VCL: variants seen among roughly 807,000 people sequenced by gnomAD.
The protein encoded by VCL is epididymis luminal protein 114.
In VCL, 47 loss-of-function variants were observed where a neutral mutation model predicts 125.7. The observed-to-expected ratio is 0.37, with a 90% CI of 0.30 to 0.48. The LOEUF (loss-of-function observed/expected upper bound fraction) is 0.48. Among genes scored for constraint, VCL ranks in the 20% least tolerant of loss-of-function variants. The probability of loss-of-function intolerance (pLI) is 0.99; values close to 1 mark genes in which losing one functional copy is unlikely to be tolerated. For missense variants in VCL, 1,069 were observed against 1,455.5 expected (o/e 0.73, Z 4.32); for synonymous variants, 458 against 514.6 (o/e 0.89, Z 1.49).
At chr10:74,110,788 G>A (rs1840207897) in intron 18 of VCL, among the ~76,000 whole-genome samples, 1 of 152,140 alleles carries the variant, frequency 6.6e-6, no homozygotes, top group South Asian at 2.1e-4. Flanking sequence ...TAAAGAACCT[G>A]TATTCATCAT....
intron 8 of VCL, among the ~76,000 whole-genome samples, chr10:74,085,243 G>A (rs1591697779): frequency 1.3e-5 from 2 of 152,186 alleles, no homozygotes; most frequent in Admixed American, 6.5e-5. Context: ...AACTTGTTCC[G>A]TAATTGAAAC....
chr10:74,037,999 CTTTTTTT>C (rs56198344), intron 1 of VCL, among the ~76,000 whole-genome samples: 3 of 130,060 alleles, frequency 2.3e-5, no homozygotes, highest in Admixed American at 7.6e-5. Context: ...CTTTTCTTTT[CTTTTTTT>C]TTTTTTTTTG....
chr10:74,088,843 C>T (rs907514099), intron 8 of VCL, among the ~76,000 whole-genome samples: 1 of 152,140 alleles, frequency 6.6e-6, no homozygotes, highest in Non-Finnish European at 1.5e-5. Flanking sequence ...GCACACATTA[C>T]TATGGTAACA....
chr10:74,059,641 G>T (rs1378187702), intron 2 of VCL, among the ~76,000 whole-genome samples: 1 of 152,108 alleles, frequency 6.6e-6, no homozygotes, highest in Non-Finnish European at 1.5e-5. Flanking sequence ...TCCTGACCTT[G>T]TGATCTGCCT....
intron 1 of VCL, among the ~76,000 whole-genome samples, chr10:74,001,304 C>T (rs916320319): frequency 3.3e-5 from 5 of 152,144 alleles, no homozygotes; most frequent in African/African-American, 9.7e-5. Flanking sequence ...CAAGCCTTGT[C>T]TGATATTCCT....
chr10:74,020,082 A>T (rs2136232918), intron 1 of VCL, among the ~76,000 whole-genome samples: 1 of 152,154 alleles, frequency 6.6e-6, no homozygotes, highest in East Asian at 1.9e-4. Context: ...AAAAAGAAAA[A>T]AATTACTAAT....
intron 2 of VCL, among the ~76,000 whole-genome samples, chr10:74,052,569 G>C (rs1208114161): frequency 6.6e-6 from 1 of 151,850 alleles, no homozygotes; most frequent in Non-Finnish European, 1.5e-5. Flanking sequence ...TAGAGAGGGG[G>C]TTTCACCATT....
intron 2 of VCL, among the ~76,000 whole-genome samples, chr10:74,069,864 C>T (rs182204173): frequency 1.1e-3 from 161 of 152,222 alleles, no homozygotes; most frequent in African/African-American, 3.4e-3. Context: ...ATGAATCCCC[C>T]GCCCAGCTCC....
chr10:74,011,709 A>G (rs779124162), intron 1 of VCL, among the ~76,000 whole-genome samples: 20 of 152,160 alleles, frequency 1.3e-4, no homozygotes, highest in Non-Finnish European at 1.2e-4. Context: ...ATACAGTCTC[A>G]AAGAGAAACA....
intron 1 of VCL, among the ~76,000 whole-genome samples, chr10:74,019,365 G>A (rs1318486332): frequency 2.6e-5 from 4 of 152,006 alleles, no homozygotes; most frequent in Non-Finnish European, 4.4e-5. Flanking sequence ...TTTAAGCCCC[G>A]CATGCATTAG....
At chr10:74,051,131 G>C (rs1195715971) in intron 2 of VCL, among the ~76,000 whole-genome samples, 1 of 151,738 alleles carries the variant, frequency 6.6e-6, no homozygotes, top group Non-Finnish European at 1.5e-5. Context: ...GTAGAGATGG[G>C]TTACACCATG....
Position 74,052,945 on chromosome 10 carries a change from AAATAT to A in VCL, c.239+9794_239+9798del, listed in dbSNP as rs754779006. ...CCTACCTGGCTGTGATGAAAAAAAA[AAATAT>A]ATATATATATATATATAGTGCTGAA... On this transcript the variant is annotated intron_variant, in intron 2 of 21. Transcript: ENST00000211998. 8.3e-4 allele frequency among the ~76,000 whole-genome samples: 116 copies of A among 139,228 alleles called. 2 individuals carry two copies. Among genetic ancestry groups the A allele is most frequent in the Middle Eastern group, 3.6e-3 (1 of 274 alleles). 91.3% of individuals were successfully genotyped at this position (139,228 alleles called of 152,430 possible).
In VCL at chr10:74,090,983, T is replaced by C. The variant is rs1003069737; in HGVS notation, c.1352+785T>C. Among the ~76,000 whole-genome samples the C allele has an allele frequency of 5.9e-5, 9 of 151,962 alleles. 1 individual carries two copies. The highest frequency in any genetic ancestry group is 5.8e-4 in the East Asian group (3 of 5,180). On this transcript the variant is annotated intron_variant, in intron 10 of 21. Coordinates refer to ENST00000211998, the MANE Select transcript of VCL (RefSeq NM_014000.3). ...GCCTGGCTAATTTTTTTATTTTTTG[T>C]AGAGACGGGGTGTTGCTATGTTGTC...
At chr10:74,086,055 CG>C (rs1839764724) in intron 8 of VCL, among the ~76,000 whole-genome samples, 1 of 151,948 alleles carries the variant, frequency 6.6e-6, no homozygotes, top group Admixed American at 6.6e-5. Context: ...TTAATAGAGA[CG>C]GGGTTTCACC....
At chr10:74,031,031 C>T (rs1312541501) in intron 1 of VCL, among the ~76,000 whole-genome samples, 2 of 152,138 alleles carry the variant, frequency 1.3e-5, no homozygotes, top group African/African-American at 4.8e-5. Flanking sequence ...CCTAGAAATC[C>T]TAATTCTGTC....
At chr10:74,068,676 A>G (rs1354071381) in intron 2 of VCL, among the ~76,000 whole-genome samples, 1 of 152,222 alleles carries the variant, frequency 6.6e-6, no homozygotes, top group Non-Finnish European at 1.5e-5. Flanking sequence ...AGCAGAATGC[A>G]GCGAGTGACC....
chr10:74,031,615 G>A (rs1426718220), intron 1 of VCL, among the ~76,000 whole-genome samples: 2 of 152,092 alleles, frequency 1.3e-5, no homozygotes, highest in Non-Finnish European at 2.9e-5. Flanking sequence ...CAGGAAAAAA[G>A]CACAAGCAAC....
rs561557514 is a variant in VCL, at chr10:74,006,199, A to G, written c.168+7824A>G. Among the ~76,000 whole-genome samples, 10 of 152,132 alleles carry G rather than the reference A, an allele frequency of 6.6e-5. 1 individual carries two copies. The highest frequency in any genetic ancestry group is 2.4e-4 in the African/African-American group (10 of 41,522). ...CTGTGCCCGGCCTATTTTTATTTGT[A>G]TTTGTATATTTTTGATCTCCAGTTG... is the stretch of plus-strand genomic sequence containing the variant. On this transcript the variant is annotated intron_variant, in intron 1 of 21. Coordinates refer to ENST00000211998, the MANE Select transcript of VCL (RefSeq NM_014000.3).
chr10:74,103,487 AT>A (rs1840090111), intron 14 of VCL, among the ~76,000 whole-genome samples: 1 of 152,198 alleles, frequency 6.6e-6, no homozygotes, highest in South Asian at 2.1e-4. Flanking sequence ...ATCCTTCTTA[AT>A]GGTGATTTTT....
Sources: gnomAD v4.1 joint callset for allele counts (sites outside exome capture counted in the v4.1 genomes callset) on GRCh38, gnomAD v4.1.1 for gene constraint, MANE v1.5 for transcripts, NCBI Gene and HGNC (gene_info 2026-07-23, HGNC 2026-07-21) for gene names.